The following PZP variants were observed in gnomAD, a reference collection of about 807,000 sequenced individuals.
The protein encoded by PZP is pregnancy zone protein.
PZP carries 150 observed loss-of-function variants against 179.8 expected under a neutral mutation model. The observed-to-expected ratio is 0.83, with a 90% CI of 0.73 to 0.96. The LOEUF (loss-of-function observed/expected upper bound fraction) is 0.96. Ranked by LOEUF, PZP falls within the 40% of genes least tolerant of loss-of-function variation. The pLI is 0.00. For missense variants in PZP, 1,689 were observed against 1,764.0 expected, an observed-to-expected ratio of 0.96 and a Z score of 0.76; for synonymous variants, 624 against 652.3, an observed-to-expected ratio of 0.96 and a Z score of 0.66.
At chr12:9,141,115 T>A in the PZP span, among the ~76,000 whole-genome samples, 2 of 152,146 alleles carry the variant, frequency 1.3e-5, no homozygotes. Context: ...GACAAGAATA[T>A]CTGTTACCTT....
chr12:9,159,300 A>G (rs2120638547), intron 25 of PZP, among the ~76,000 whole-genome samples: 1 of 152,260 alleles, frequency 6.6e-6, no homozygotes, highest in Non-Finnish European at 1.5e-5. Context: ...CACTTATTAG[A>G]TGTTTGCTCC....
At chr12:9,173,624 C>T (rs904672942) in intron 15 of PZP, among the ~76,000 whole-genome samples, 4 of 152,064 alleles carry the variant, frequency 2.6e-5, no homozygotes, top group African/African-American at 9.7e-5. Context: ...CAAGTAGACA[C>T]AATCAGAAAT....
At chr12:9,179,158 T>A (rs1942591089) in intron 15 of PZP, among the ~76,000 whole-genome samples, 1 of 152,186 alleles carries the variant, frequency 6.6e-6, no homozygotes, top group Non-Finnish European at 1.5e-5. Flanking sequence ...AGTAATCTAG[T>A]TTTAAATAGG....
At chr12:9,187,077 C>CCA (rs781521568) in intron 13 of PZP, among the ~76,000 whole-genome samples, 2 of 128,732 alleles carry the variant, frequency 1.6e-5, no homozygotes, top group South Asian at 2.5e-4. Flanking sequence ...CAAGAAAGGT[C>CCA]AAAAAAAAAA....
chr12:9,154,306 C>T (rs962802098), intron 29 of PZP, among the ~76,000 whole-genome samples: 12 of 152,168 alleles, frequency 7.9e-5, no homozygotes, highest in East Asian at 7.7e-4. Flanking sequence ...TGATGTGGCT[C>T]GAAATGTCAA....
At chr12:9,184,430 G>C (rs1031874197) in intron 13 of PZP, among the ~76,000 whole-genome samples, 12 of 152,224 alleles carry the variant, frequency 7.9e-5, no homozygotes, top group African/African-American at 2.7e-4. Flanking sequence ...CACCGTCAGT[G>C]CAAATGCATG....
At chr12:9,185,517 G>A (rs1168776855) in intron 13 of PZP, among the ~76,000 whole-genome samples, 2 of 152,146 alleles carry the variant, frequency 1.3e-5, no homozygotes, top group Non-Finnish European at 2.9e-5. Flanking sequence ...CATATTTTAG[G>A]ATATCATCCA....
intron 4 of PZP, among the ~76,000 whole-genome samples, chr12:9,202,095 A>G (rs1944194106): frequency 6.6e-6 from 1 of 152,190 alleles, no homozygotes; most frequent in Non-Finnish European, 1.5e-5. Flanking sequence ...TAACAAATGC[A>G]GCTATTGCCA....
intron 17 of PZP, among the ~76,000 whole-genome samples, chr12:9,168,213 A>T (rs1422051624): frequency 6.6e-6 from 1 of 152,228 alleles, no homozygotes; most frequent in Non-Finnish European, 1.5e-5. Flanking sequence ...TTTGAGGCTT[A>T]GAGAGGAGAT....
intron 27 of PZP, among the ~76,000 whole-genome samples, chr12:9,157,558 T>A (rs916494238): frequency 2.6e-5 from 4 of 152,194 alleles, no homozygotes; most frequent in Admixed American, 2.0e-4. Context: ...AGAGAACCTG[T>A]TTTTAGGATT....
chr12:9,154,540 C>G lies in PZP; in HGVS notation c.3774+76G>C, dbSNP rs762151835. On this transcript the variant is annotated intron_variant, in intron 29 of 35. Transcript: ENST00000261336. ...TGATTTAATAATTGCCTTCTCTTTT[C>G]CATTAACTGTTCTACTTTTAAGCCT... 3.0e-6 allele frequency: 4 copies of G among 1,334,436 alleles called. No homozygotes were observed. The African/African-American group carries it at 5.9e-5, about 20-fold the overall frequency. The allele number at this position is 1,334,436 out of a possible 1,614,324, so 82.7% of individuals were successfully genotyped here. A position where few individuals can be genotyped will look rare whatever the true frequency, so the allele number is the denominator to read the frequency against.
At chr12:9,181,285 A>G (rs1486177150) in intron 14 of PZP, among the ~76,000 whole-genome samples, 153 bp from the exon 15 acceptor site, 1 of 152,230 alleles carries the variant, frequency 6.6e-6, no homozygotes, top group African/African-American at 2.4e-5. Context: ...CCTTCACTTT[A>G]AAAATAGAAA....
intron 28 of PZP, among the ~76,000 whole-genome samples, chr12:9,156,851 A>T (rs1394040474): frequency 6.6e-6 from 1 of 152,116 alleles, no homozygotes; most frequent in Non-Finnish European, 1.5e-5. Flanking sequence ...ATTTGGTACC[A>T]TTTGCTGTTT....
chr12:9,202,389 C>A lies in PZP; in HGVS notation c.428-18G>T. Reference sequence around the variant, plus strand: ...GAATCTTACTGGAAAAGTAGTTCTCCGATAAGATTCAGACATGATAAAGCA... The same window carrying A: ...GAATCTTACTGGAAAAGTAGTTCTCAGATAAGATTCAGACATGATAAAGCA... On this transcript the variant is annotated intron_variant, in intron 3 of 35. Coordinates refer to ENST00000261336, the MANE Select transcript of PZP (RefSeq NM_002864.3). 6.2e-7 allele frequency: 1 copy of A among 1,613,956 alleles called. No individual in the cohort carries two copies. The highest frequency in any genetic ancestry group is 8.5e-7 in the Non-Finnish European group (1 of 1,179,968).
intron 13 of PZP, among the ~76,000 whole-genome samples, chr12:9,186,531 A>C (rs1943128833): frequency 6.6e-6 from 1 of 152,180 alleles, no homozygotes; most frequent in African/African-American, 2.4e-5. Flanking sequence ...AATGACACTG[A>C]TAGGCTCGAG....
At position 9,161,062 on chromosome 12, in the gene PZP, T is replaced by C; in HGVS notation, c.2843A>G (p.Glu948Gly). Residue 948 changes from glutamate (E) to glycine (G), a missense_variant, in exon 23 of 36, where the codon GAA becomes GGA. Glu to Gly is a moderately conservative substitution (Grantham distance 98, BLOSUM62 -2). Around this residue, in one of 3 missense-constraint regions of PZP, gnomAD observed 746 missense variants for 749.2 expected, o/e 1.00. Coordinates refer to ENST00000261336, the MANE Select transcript of PZP (RefSeq NM_002864.3). Reference sequence around the variant, plus strand: ...AACTGAGAAAGAAGCTCTGGCAGATTCTTTGACCACATTTGATGGGAGCTT... The same window carrying C: ...AACTGAGAAAGAAGCTCTGGCAGATCCTTTGACCACATTTGATGGGAGCTT... Reference protein sequence around the residue: ...SLKLPSNVVKESARASFSVLG... With the variant: ...SLKLPSNVVKGSARASFSVLG... The C allele has an allele frequency of 6.2e-7, 1 of 1,603,238 alleles. No homozygotes were observed. The highest frequency in any genetic ancestry group is 1.1e-5 in the South Asian group (1 of 90,748).
At position 9,200,349 on chromosome 12, in the gene PZP, A is replaced by G; in HGVS notation, c.755+15T>C. 2.6e-6 allele frequency: 4 copies of G among 1,550,414 alleles called. No individual in the cohort carries two copies. The highest frequency in any genetic ancestry group is 3.5e-6 in the Non-Finnish European group (4 of 1,131,394). On this transcript the variant is annotated intron_variant, in intron 7 of 35. Transcript: ENST00000261336. ...GGCAAAATATAAAATTTTAGATAAA[A>G]ACAATGTAACTCACTCTCCACAGAC...
intron 13 of PZP, among the ~76,000 whole-genome samples, chr12:9,190,205 CAACCCTGTTGCAATG>C (rs1371712021): frequency 6.6e-6 from 1 of 152,064 alleles, no homozygotes; most frequent in Non-Finnish European, 1.5e-5. Flanking sequence ...ATGTTCATTG[CAACCCTGTTGCAATG>C]AACAGTAGCA....
At chr12:9,180,942 G>A in intron 15 of PZP, 41 bp downstream of exon 15, 1 of 1,585,830 alleles carries the variant, frequency 6.3e-7, no homozygotes, top group South Asian at 1.2e-5. Context: ...CTGAGCCTCT[G>A]GAATGGCCCT....
Sources: gnomAD v4.1 joint callset for allele counts (sites outside exome capture counted in the v4.1 genomes callset) on GRCh38, gnomAD v4.1.1 for gene constraint, gnomAD v4.1.1 regional missense constraint, MANE v1.5 for transcripts, NCBI Gene and HGNC (gene_info 2026-07-23, HGNC 2026-07-21) for gene names.